Variants in SEC23A observed in about 807,000 individuals in gnomAD.
SEC23A encodes protein transport protein Sec23A.
SEC23A carries 56 observed loss-of-function variants against 103.7 expected under a neutral mutation model. That is an observed-to-expected ratio of 0.54 (90% CI 0.44 to 0.67). SEC23A has a LOEUF of 0.67. Among genes scored for constraint, SEC23A ranks in the 30% least tolerant of loss-of-function variants. The pLI is 0.00. For missense variants in SEC23A, 784 were observed against 936.4 expected (o/e 0.84, Z 2.12); for synonymous variants, 281 against 293.0 (o/e 0.96, Z 0.42).
chr14:39,067,428 C>T (rs1886706965), intron 9 of SEC23A, 132 bp from the exon 10 acceptor site: 2 of 931,774 alleles, frequency 2.1e-6, no homozygotes, highest in East Asian at 5.3e-5. Flanking sequence ...TGCTGTATTA[C>T]TAATTTTTAA....
intron 14 of SEC23A, 111 bp from the exon 15 acceptor site, chr14:39,048,840 T>C: frequency 1.5e-6 from 1 of 659,622 alleles, no homozygotes; most frequent in South Asian, 1.7e-5. Context: ...AGCAGATACT[T>C]GATAAAGAAT....
In SEC23A at chr14:39,085,705, C is replaced by T. The variant is rs1475697832; in HGVS notation, c.828+57G>A. The T allele has an allele frequency of 4.7e-4, 726 of 1,541,868 alleles. 2 individuals carry two copies. The African/African-American group carries it at 8.9e-3, about 19-fold the overall frequency. On this transcript the variant is annotated intron_variant, in intron 7 of 19. Coordinates refer to ENST00000307712, the MANE Select transcript of SEC23A (RefSeq NM_006364.4). ...AATTATATATACACACACACACACA[C>T]ACACACACACACACACACACACACT... is the stretch of plus-strand genomic sequence containing the variant.
intron 7 of SEC23A, among the ~76,000 whole-genome samples, chr14:39,076,955 A>T (rs1887049999): frequency 2.1e-5 from 3 of 140,838 alleles, no homozygotes. Flanking sequence ...GGCTGGACGC[A>T]GTGGCTGACG....
chr14:39,047,510 C>A (rs1322708210), intron 15 of SEC23A: 130 of 514,118 alleles, frequency 2.5e-4, no homozygotes, highest in South Asian at 3.2e-4. Context: ...ACAACAACAA[C>A]AAAAAAAAAA....
Position 39,075,948 on chromosome 14 carries a change from T to C in SEC23A, c.974A>G (p.Lys325Arg). The change falls in exon 8 of 20, where the codon AAA (lysine) becomes AGA (arginine). Residue 325 changes from lysine (K) to arginine (R), a missense_variant. Physicochemically the swap from Lys to Arg is conservative, Grantham distance 26. Transcript: ENST00000307712. ...AGTCAAAATTACCTTAGTTCCCTTT[T>C]TAACATATTTGGCATTGTCTTTGTC... The part of the protein sequence containing the change: ...DIDKDNAKYV[K>R]KGTKHFEALA... The C allele has an allele frequency of 6.2e-7, 1 of 1,614,014 alleles. No homozygotes were observed. Among genetic ancestry groups the C allele is most frequent in the Non-Finnish European group, 8.5e-7 (1 of 1,179,958 alleles).
chr14:39,074,800 T>C (rs1886958767), intron 8 of SEC23A, among the ~76,000 whole-genome samples: 1 of 152,194 alleles, frequency 6.6e-6, no homozygotes, highest in Non-Finnish European at 1.5e-5. Context: ...TTGTTCTTCC[T>C]ATATAAACAT....
rs115166112 is a variant in SEC23A, at chr14:39,102,642, T to C, written c.-22+390A>G. On this transcript the variant is annotated intron_variant, in intron 1 of 19. Coordinates refer to ENST00000307712, the MANE Select transcript of SEC23A (RefSeq NM_006364.4). ...CTTCCAAGGCTGAATTACGGTGACG[T>C]AGTCAATTGGGTTCAAAGTCTAGGA... Among the ~76,000 whole-genome samples, 281 of 152,046 alleles carry C rather than the reference T, an allele frequency of 1.8e-3. 2 individuals are homozygous for C. Among genetic ancestry groups the C allele is most frequent in the Middle Eastern group, 0.014 (4 of 294 alleles).
chr14:39,045,202 C>T lies in SEC23A; in HGVS notation c.1860G>A (p.Gln620=), dbSNP rs1291128107. The T allele has an allele frequency of 6.2e-7, 1 of 1,613,566 alleles. No individual in the cohort carries two copies. The highest frequency in any genetic ancestry group is 1.1e-5 in the South Asian group (1 of 91,072). ...QDLTQSLIMI[Q]PILYAYSFSG... is the part of the protein sequence containing the mutation. ...TAAAAGAATACGCATACAGGATAGG[C>T]TGAATCATAATTAGAGACTGGGTCA... is the stretch of plus-strand genomic sequence containing the variant. The change falls in exon 16 of 20, where the codon CAG becomes CAA. Residue 620 remains glutamine, a synonymous_variant. Transcript: ENST00000307712.
intron 13 of SEC23A, among the ~76,000 whole-genome samples, chr14:39,059,269 G>T (rs1886369421): frequency 1.2e-5 from 1 of 80,300 alleles, no homozygotes; most frequent in African/African-American, 4.4e-5. Context: ...TAAAGTCATA[G>T]TCCTAGTTTA....
At position 39,032,789 on chromosome 14, in the gene SEC23A, C is replaced by T. The variant is rs998693751; in HGVS notation, c.*450G>A. 6.3e-6 allele frequency: 1 copy of T among 158,320 alleles called. No homozygotes were observed. Among genetic ancestry groups the T allele is most frequent in the Admixed American group, 6.1e-5 (1 of 16,270 alleles). 9.8% of individuals were successfully genotyped at this position (158,320 alleles called of 1,614,324 possible). On this transcript the variant is annotated 3_prime_UTR_variant, in exon 20 of 20. Coordinates refer to ENST00000307712, the MANE Select transcript of SEC23A (RefSeq NM_006364.4). Reference sequence around the variant, plus strand: ...GTGTATACATAAGTGCTGAAAATTACAGAAAAATATTCAATGAATAAGCAA... The same window carrying T: ...GTGTATACATAAGTGCTGAAAATTATAGAAAAATATTCAATGAATAAGCAA...
intron 19 of SEC23A, among the ~76,000 whole-genome samples, chr14:39,034,392 C>T (rs1457967895): frequency 6.6e-6 from 1 of 152,204 alleles, no homozygotes; most frequent in Non-Finnish European, 1.5e-5. Context: ...ACCTAGTACA[C>T]ACAGTAGACA....
chr14:39,087,712 G>A (rs191057073), intron 5 of SEC23A: 1 of 152,348 alleles, frequency 6.6e-6, no homozygotes, highest in East Asian at 1.9e-4. Flanking sequence ...CTGTGTAACA[G>A]AAAACTGAAG....
chr14:39,092,867 T>C (rs866240463), intron 3 of SEC23A: 10 of 502,928 alleles, frequency 2.0e-5, no homozygotes, highest in Non-Finnish European at 3.5e-5. Context: ...TTGTTTGTTT[T>C]GTTTGTTTGT....
In SEC23A at chr14:39,086,837, C is replaced by T. The variant is rs529711036; in HGVS notation, c.683+92G>A. 400 of 753,216 alleles carry T rather than the reference C, an allele frequency of 5.3e-4. 9 individuals carry two copies. In the South Asian group the frequency reaches 5.7e-3, roughly 11 times the overall value. The allele number at this position is 753,216 out of a possible 1,614,324, so 46.7% of individuals were successfully genotyped here. ...TACTTATATTCCTAAAAATATTTAACAATATAGTATCACTGAATGCCTATG... is the reference window on the plus strand; with the variant it reads ...TACTTATATTCCTAAAAATATTTAATAATATAGTATCACTGAATGCCTATG... On this transcript the variant is annotated intron_variant, in intron 6 of 19. Coordinates refer to ENST00000307712, the MANE Select transcript of SEC23A (RefSeq NM_006364.4).
rs1485497691 is a variant in SEC23A at position 39,099,358 on chromosome 14, C to T, written c.-21-3219G>A. ...TATTTTTAGTAGAGACAGGGTTTCACCATGTTGGCCAGGATGATCTCAATT... is the reference window on the plus strand; with the variant it reads ...TATTTTTAGTAGAGACAGGGTTTCATCATGTTGGCCAGGATGATCTCAATT... On this transcript the variant is annotated intron_variant, in intron 1 of 19. Coordinates refer to ENST00000307712, the MANE Select transcript of SEC23A (RefSeq NM_006364.4). Among the ~76,000 whole-genome samples, 5 of 152,032 alleles carry T rather than the reference C, an allele frequency of 3.3e-5. No individual in the cohort carries two copies. The East Asian group carries it at 9.7e-4, about 29-fold the overall frequency.
intron 19 of SEC23A, 38 bp from the exon 20 acceptor site, chr14:39,033,366 G>T (rs753667870): frequency 1.5e-6 from 2 of 1,322,526 alleles, no homozygotes; most frequent in South Asian, 1.2e-5. Flanking sequence ...TTAAAGCATA[G>T]GGTGATATCA....
intron 8 of SEC23A, among the ~76,000 whole-genome samples, chr14:39,075,714 G>A (rs1886990621): frequency 6.6e-6 from 1 of 152,130 alleles, no homozygotes; most frequent in South Asian, 2.1e-4. Flanking sequence ...TTTTTAAGGA[G>A]ATACCTACTG....
intron 7 of SEC23A, among the ~76,000 whole-genome samples, chr14:39,078,194 G>A (rs1887104856): frequency 6.6e-6 from 1 of 152,030 alleles, no homozygotes; most frequent in Admixed American, 6.6e-5. Context: ...GTTCGATGCT[G>A]CAGTCAACCA....
chr14:39,040,619 C>G, intron 18 of SEC23A, 113 bp downstream of exon 18: 3 of 1,361,410 alleles, frequency 2.2e-6, no homozygotes, highest in Admixed American at 3.4e-5. Context: ...CACCTATCTC[C>G]TTACCTTTCT....
Sources: allele counts gnomAD v4.1 joint callset (sites outside exome capture counted in the v4.1 genomes callset), GRCh38; gene constraint gnomAD v4.1.1; transcripts MANE v1.5; gene names NCBI Gene and HGNC (gene_info 2026-07-23, HGNC 2026-07-21).